Variants in WDR41 observed in about 807,000 individuals in gnomAD.
The protein encoded by WDR41 is WD repeat-containing protein 41.
A neutral mutation model predicts 69.3 loss-of-function variants in WDR41; 63 were observed. The ratio of observed to expected loss-of-function variants is 0.91; its 90% CI spans 0.74 to 1.12. WDR41 has a LOEUF of 1.12. Ranked by LOEUF, WDR41 falls within the 50% of genes most tolerant of loss-of-function variation. WDR41 has a pLI of 0.00. For synonymous variants in WDR41, 185 were observed against 192.1 expected, an observed-to-expected ratio of 0.96 and a Z score of 0.31; for missense variants, 543 against 534.5, an observed-to-expected ratio of 1.02 and a Z score of -0.16.
chr5:77,612,812 G>A (rs1250540974), intron 1 of WDR41, among the ~76,000 whole-genome samples: 5 of 149,532 alleles, frequency 3.3e-5, no homozygotes, highest in Non-Finnish European at 6.0e-5. Context: ...GGCAGGAGAA[G>A]GAAATAAAGG....
At chr5:77,545,736 C>G (rs192482411) in intron 1 of WDR41, 98 of 571,146 alleles carry the variant, frequency 1.7e-4, no homozygotes, top group African/African-American at 1.7e-3. Context: ...GCCAGTGCAC[C>G]AGGTTCAAGG....
intron 1 of WDR41, among the ~76,000 whole-genome samples, chr5:77,612,131 G>C (rs139352102): frequency 0.012 from 1,759 of 152,316 alleles, 29 homozygotes; most frequent in African/African-American, 0.04. Context: ...AACAGGCTCT[G>C]AAATTGTGAC....
chr5:77,529,935 A>G (rs1360634137), intron 1 of WDR41, among the ~76,000 whole-genome samples: 2 of 151,762 alleles, frequency 1.3e-5, no homozygotes, highest in Non-Finnish European at 3.0e-5. Context: ...GCAGCATGGG[A>G]TAATATTAGT....
At chr5:77,492,573 A>G, upstream of WDR41, 1 of 284,196 alleles carries the variant, frequency 3.5e-6, no homozygotes. Flanking sequence ...CCCCTGGTGG[A>G]CGCGCGCGGA....
chr5:77,578,073 G>A (rs375516718), intron 1 of WDR41, among the ~76,000 whole-genome samples: 1 of 152,032 alleles, frequency 6.6e-6, no homozygotes, highest in Non-Finnish European at 1.5e-5. Context: ...ATTGCAAATC[G>A]CTAACCCGAA....
chr5:77,495,069 G>T (rs969489487), upstream of WDR41, among the ~76,000 whole-genome samples: 9 of 151,992 alleles, frequency 5.9e-5, no homozygotes, highest in Non-Finnish European at 1.2e-4. Context: ...CAGCACAAAA[G>T]AAATTATAAA....
chr5:77,433,432 G>A (rs554751118), intron 12 of WDR41, 145 bp from the exon 13 acceptor site: 6 of 556,986 alleles, frequency 1.1e-5, no homozygotes, highest in South Asian at 5.0e-5. Context: ...TTTCAGTATT[G>A]GTAAGTCACA....
intron 1 of WDR41, among the ~76,000 whole-genome samples, chr5:77,556,988 G>A (rs1201667839): frequency 1.4e-4 from 22 of 152,108 alleles, no homozygotes; most frequent in Admixed American, 1.4e-3. Flanking sequence ...AAAGGGGGAG[G>A]GGTGGAGCCT....
At chr5:77,566,737 C>T (rs1743639116) in intron 1 of WDR41, among the ~76,000 whole-genome samples, 1 of 152,094 alleles carries the variant, frequency 6.6e-6, no homozygotes, top group Admixed American at 6.6e-5. Flanking sequence ...TAATAAGTGA[C>T]TTGTTTTTTA....
intron 2 of WDR41, among the ~76,000 whole-genome samples, chr5:77,475,558 G>C (rs1455257271): frequency 1.3e-5 from 2 of 152,154 alleles, no homozygotes; most frequent in Admixed American, 1.3e-4. Context: ...CCAGAAGGGA[G>C]AGACTGACAC....
intron 1 of WDR41, among the ~76,000 whole-genome samples, chr5:77,599,056 T>C (rs751856152): frequency 1.2e-4 from 18 of 152,012 alleles, no homozygotes; most frequent in Non-Finnish European, 2.4e-4. Flanking sequence ...AAGCTACTAC[T>C]AATATTTCTA....
chr5:77,512,331 T>TGAGAGAGAGAGAAAGAGA lies in WDR41; in HGVS notation c.43-22760_43-22759insTCTCTTTCTCTCTCTCTC, dbSNP rs59306558. Among the ~76,000 whole-genome samples the TGAGAGAGAGAGAAAGAGA allele has an allele frequency of 8.6e-4, 76 of 87,924 alleles. 1 individual carries two copies. Among genetic ancestry groups the TGAGAGAGAGAGAAAGAGA allele is most frequent in the Non-Finnish European group, 1.2e-3 (53 of 45,544 alleles). 57.7% of individuals were successfully genotyped at this position (87,924 alleles called of 152,430 possible). ...ATGGTCTGTAATTACATGGGGTGAGTGAGAGAGAGAGAGAGAGAGAGTGAG... is the reference window on the plus strand; with the variant it reads ...ATGGTCTGTAATTACATGGGGTGAGTGAGAGAGAGAGAAAGAGAGAGAGAGAGAGAGAGAGAGAGTGAG... On this transcript the variant is annotated intron_variant, in intron 1 of 5. Transcript: ENST00000509971.
intron 12 of WDR41, among the ~76,000 whole-genome samples, chr5:77,435,831 C>T (rs1420610215): frequency 2.0e-5 from 3 of 152,198 alleles, no homozygotes; most frequent in Admixed American, 2.0e-4. Context: ...AGCTAACAAA[C>T]TATTATCCTT....
chr5:77,591,938 C>T (rs535564834), intron 1 of WDR41, among the ~76,000 whole-genome samples: 10 of 152,118 alleles, frequency 6.6e-5, no homozygotes, highest in African/African-American at 2.2e-4. Context: ...TACTTATTTT[C>T]CCTGCCTCCT....
intron 1 of WDR41, among the ~76,000 whole-genome samples, chr5:77,580,698 G>A (rs1359505234): frequency 4.6e-5 from 7 of 152,144 alleles, no homozygotes; most frequent in African/African-American, 1.7e-4. Context: ...GTTCATGCGT[G>A]TAATCACAGC....
chr5:77,492,088 G>T, intron 1 of WDR41, 82 bp downstream of exon 1: 1 of 1,537,636 alleles, frequency 6.5e-7, no homozygotes, highest in South Asian at 1.2e-5. Context: ...CCCCGCGGTC[G>T]GAACCCAGGA....
chr5:77,545,044 A>C (rs1230166127), intron 1 of WDR41, among the ~76,000 whole-genome samples: 1 of 152,108 alleles, frequency 6.6e-6, no homozygotes, highest in Non-Finnish European at 1.5e-5. Flanking sequence ...AATACATGGA[A>C]ATTAAATAAC....
In WDR41 at chr5:77,432,430, T is replaced by G. The variant is rs934610709; in HGVS notation, c.*705A>C. 2.0e-5 allele frequency: 3 copies of G among 152,786 alleles called. No homozygotes were observed. Among genetic ancestry groups the G allele is most frequent in the African/African-American group, 7.2e-5 (3 of 41,568 alleles). The allele number at this position is 152,786 out of a possible 1,614,324, so 9.5% of individuals were successfully genotyped here. ...CTGCAGTCCCTGACTCCGGAAACAC[T>G]GTGCCTCTCAAATGATCTAGAGCTC... is the stretch of plus-strand genomic sequence containing the variant. On this transcript the variant is annotated 3_prime_UTR_variant, in exon 13 of 13. Coordinates refer to ENST00000296679, the MANE Select transcript of WDR41 (RefSeq NM_018268.4).
intron 2 of WDR41, among the ~76,000 whole-genome samples, chr5:77,489,062 A>G (rs539209475): frequency 6.6e-6 from 1 of 152,244 alleles, no homozygotes; most frequent in East Asian, 1.9e-4. Flanking sequence ...CTTACCTTCC[A>G]CTAAAAATAA....
Sources: allele counts gnomAD v4.1 joint callset (sites outside exome capture counted in the v4.1 genomes callset), GRCh38; gene constraint gnomAD v4.1.1; transcripts MANE v1.5; gene names NCBI Gene and HGNC (gene_info 2026-07-23, HGNC 2026-07-21).